Variants in RDX observed in about 807,000 individuals in gnomAD.
The protein encoded by RDX is radixin.
Under a neutral mutation model 83.7 loss-of-function variants are expected in RDX, and 32 were observed. The ratio of observed to expected loss-of-function variants is 0.38; its 90% CI spans 0.29 to 0.51. The LOEUF (loss-of-function observed/expected upper bound fraction) is 0.51, where lower values mean the gene tolerates loss of function less well. Among genes scored for constraint, RDX ranks in the 20% least tolerant of loss-of-function variants. The pLI is 0.87. For missense variants in RDX, 600 were observed against 689.9 expected, an observed-to-expected ratio of 0.87 and a Z score of 1.46; for synonymous variants, 229 against 222.7, an observed-to-expected ratio of 1.03 and a Z score of -0.25.
chr11:110,175,313 G>T (rs1862746905), intron 15 of RDX: 1 of 152,218 alleles, frequency 6.6e-6, no homozygotes, highest in Non-Finnish European at 1.5e-5. Context: ...TTTTAGAGAA[G>T]GCCTATTTAG....
Position 110,230,953 on chromosome 11 carries a change from C to A in RDX, c.*916G>T, listed in dbSNP as rs925116477. ...TATATGCTGCCCTTCCAGAAAAGGT[C>A]CAGGTTTTAAAAAATAACATTAGTT... On this transcript the variant is annotated 3_prime_UTR_variant, in exon 14 of 14. Transcript: ENST00000645495. 1.3e-5 allele frequency: 2 copies of A among 152,456 alleles called. No individual in the cohort carries two copies. The highest frequency in any genetic ancestry group is 2.9e-5 in the Non-Finnish European group (2 of 67,998). 9.4% of individuals were successfully genotyped at this position (152,456 alleles called of 1,614,324 possible).
At chr11:110,257,727 C>A in intron 7 of RDX, 40 bp downstream of exon 7, 1 of 1,597,580 alleles carries the variant, frequency 6.3e-7, no homozygotes, top group Non-Finnish European at 8.6e-7. Flanking sequence ...ATTTAGACCA[C>A]TGAACAATGA....
chr11:110,210,449 G>T (rs879050634), intron 14 of RDX, among the ~76,000 whole-genome samples: 1 of 144,572 alleles, frequency 6.9e-6, no homozygotes, highest in Non-Finnish European at 1.5e-5. Flanking sequence ...CCCCAATCTA[G>T]CAAGGCAGGC....
chr11:110,217,763 T>C (rs1864106580), intron 14 of RDX, among the ~76,000 whole-genome samples: 1 of 152,146 alleles, frequency 6.6e-6, no homozygotes, highest in South Asian at 2.1e-4. Flanking sequence ...GAGATGGTAC[T>C]TGTTCCTGAG....
chr11:110,238,899 T>C (rs1407303293), intron 10 of RDX, among the ~76,000 whole-genome samples: 1 of 144,758 alleles, frequency 6.9e-6, no homozygotes, highest in African/African-American at 2.6e-5. Context: ...CACTCCAGCC[T>C]GGGCGACGGA....
chr11:110,241,915 A>G (rs560113586), intron 10 of RDX, among the ~76,000 whole-genome samples: 4 of 152,344 alleles, frequency 2.6e-5, no homozygotes, highest in Non-Finnish European at 4.4e-5. Context: ...GTTAAGTGAA[A>G]TAAGCCAGTC....
At chr11:110,250,600 T>C (rs138332635) in intron 9 of RDX, among the ~76,000 whole-genome samples, 80 of 152,244 alleles carry the variant, frequency 5.3e-4, no homozygotes, top group South Asian at 2.1e-3. Flanking sequence ...CTTTTCCCTA[T>C]TGATGTTTCA....
intron 14 of RDX, among the ~76,000 whole-genome samples, chr11:110,215,433 CCCCTA>C (rs1434237923): frequency 6.6e-5 from 10 of 151,766 alleles, no homozygotes; most frequent in African/African-American, 2.2e-4. Context: ...TGCTTTCCCT[CCCCTA>C]CAAGAGTAAA....
At chr11:110,289,030 G>C (rs1400498963) in intron 1 of RDX, among the ~76,000 whole-genome samples, 1 of 152,040 alleles carries the variant, frequency 6.6e-6, no homozygotes, top group East Asian at 1.9e-4. Context: ...CTGAGGTTGG[G>C]AGTTCGAGAC....
chr11:110,230,645 C>G lies in RDX; in HGVS notation c.*1224G>C, dbSNP rs1269607062. The G allele has an allele frequency of 6.6e-6, 1 of 152,338 alleles. No homozygotes were observed. Among genetic ancestry groups the G allele is most frequent in the African/African-American group, 2.4e-5 (1 of 41,336 alleles). 9.4% of individuals were successfully genotyped at this position (152,338 alleles called of 1,614,324 possible). On this transcript the variant is annotated 3_prime_UTR_variant, in exon 14 of 14. Coordinates refer to ENST00000645495, the MANE Select transcript of RDX (RefSeq NM_002906.4). ...TCATTCTCTCTCTCTCTTGCTCAGCCATACAACACCCCTCCAGGATGATAG... is the reference window on the plus strand; with the variant it reads ...TCATTCTCTCTCTCTCTTGCTCAGCGATACAACACCCCTCCAGGATGATAG...
At chr11:110,224,597 T>C (rs1056377466), downstream of RDX, among the ~76,000 whole-genome samples, 2 of 152,224 alleles carry the variant, frequency 1.3e-5, no homozygotes, top group Non-Finnish European at 2.9e-5. Context: ...GTCTTTAATT[T>C]CTACTTCTAT....
rs528601645 is a variant in RDX at position 110,179,903 on chromosome 11, CTTTTTTT to C, written c.*32-4676_*32-4670del. 7.0e-4 allele frequency: 255 copies of C among 364,572 alleles called. 4 individuals are homozygous for C. The highest frequency in any genetic ancestry group is 4.0e-3 in the South Asian group (192 of 48,378). 22.6% of individuals were successfully genotyped at this position (364,572 alleles called of 1,614,324 possible). On this transcript the variant is annotated intron_variant, in intron 15 of 15. Coordinates refer to the RDX transcript ENST00000528498. ...CTTTTTCTTTTTCTTTTTCTTTTTTCTTTTTTTTTTTTTTTTGAGACAGAGTTTCCCT... is the reference window on the plus strand; with the variant it reads ...CTTTTTCTTTTTCTTTTTCTTTTTTCTTTTTTTTTGAGACAGAGTTTCCCT...
At chr11:110,245,987 T>G (rs976363345) in intron 10 of RDX, among the ~76,000 whole-genome samples, 1 of 152,292 alleles carries the variant, frequency 6.6e-6, no homozygotes, top group Non-Finnish European at 1.5e-5. Flanking sequence ...ACTCTGTTGC[T>G]CAGGCTGGAG....
intron 10 of RDX, among the ~76,000 whole-genome samples, chr11:110,238,835 G>C (rs1864963347): frequency 6.6e-6 from 1 of 151,178 alleles, no homozygotes; most frequent in Non-Finnish European, 1.5e-5. Context: ...TGAGGCAGAA[G>C]AATCTCTTGA....
At chr11:110,204,804 C>T (rs1466134833) in intron 14 of RDX, among the ~76,000 whole-genome samples, 2 of 152,040 alleles carry the variant, frequency 1.3e-5, no homozygotes, top group Admixed American at 6.6e-5. Flanking sequence ...CGTGAGCTAC[C>T]GTGCCCGGCC....
intron 15 of RDX, among the ~76,000 whole-genome samples, chr11:110,198,121 C>T (rs1042375909): frequency 1.7e-4 from 26 of 152,152 alleles, no homozygotes; most frequent in Non-Finnish European, 1.5e-4. Flanking sequence ...AACATTGGTT[C>T]TACATCTTTA....
At chr11:110,264,668 C>A in intron 4 of RDX, 111 bp downstream of exon 4, 1 of 686,164 alleles carries the variant, frequency 1.5e-6, no homozygotes, top group Non-Finnish European at 2.4e-6. Flanking sequence ...TAATGATTAA[C>A]AGATAACTAC....
intron 10 of RDX, among the ~76,000 whole-genome samples, chr11:110,245,276 A>G (rs966510963): frequency 6.6e-6 from 1 of 152,130 alleles, no homozygotes; most frequent in African/African-American, 2.4e-5. Flanking sequence ...TTAAAAAATA[A>G]AACTATAAGG....
intron 15 of RDX, among the ~76,000 whole-genome samples, chr11:110,196,817 T>C (rs1352430473): frequency 1.8e-4 from 28 of 151,898 alleles, no homozygotes; most frequent in Admixed American, 1.8e-3. Context: ...GGCTTTGGGG[T>C]TGATTAGTAA....
Sources: allele counts gnomAD v4.1 joint callset (sites outside exome capture counted in the v4.1 genomes callset), GRCh38; gene constraint gnomAD v4.1.1; transcripts MANE v1.5; gene names NCBI Gene and HGNC (gene_info 2026-07-23, HGNC 2026-07-21).